The following GRK5 variants were observed in gnomAD, a reference collection of about 807,000 sequenced individuals.
GRK5 encodes g protein-coupled receptor kinase GRK5.
In GRK5, 40 loss-of-function variants were observed where a neutral mutation model predicts 78.4. The observed-to-expected ratio is 0.51, with a 90% confidence interval of 0.40 to 0.66. The LOEUF (loss-of-function observed/expected upper bound fraction) is 0.66, where lower values mean the gene tolerates loss of function less well. GRK5 is among the 30% of genes least tolerant of loss of function. The probability of loss-of-function intolerance (pLI) is 0.00; values close to 1 mark genes in which losing one functional copy is unlikely to be tolerated. For missense variants in GRK5, 598 were observed against 759.9 expected, an observed-to-expected ratio of 0.79 and a Z score of 2.50; for synonymous variants, 289 against 296.8, an observed-to-expected ratio of 0.97 and a Z score of 0.27.
intron 1 of GRK5, among the ~76,000 whole-genome samples, chr10:119,233,632 C>T (rs143192515): frequency 2.0e-4 from 31 of 152,234 alleles, no homozygotes; most frequent in Admixed American, 7.8e-4. Context: ...TTGCCACTTA[C>T]AGTCAAAGGA....
intron 1 of GRK5, among the ~76,000 whole-genome samples, chr10:119,307,950 A>C (rs1850298662): frequency 2.0e-5 from 3 of 152,024 alleles, no homozygotes; most frequent in African/African-American, 7.3e-5. Context: ...TGAGGTGGGG[A>C]GAGGACAGAG....
chr10:119,396,839 A>C (rs1320016018), intron 4 of GRK5, 67 bp downstream of exon 4: 1 of 1,204,060 alleles, frequency 8.3e-7, no homozygotes, highest in African/African-American at 1.5e-5. Context: ...GGAGCCCCTA[A>C]GTCTGTGCCA....
intron 4 of GRK5, among the ~76,000 whole-genome samples, chr10:119,415,846 G>A (rs976734942): frequency 2.6e-5 from 4 of 152,190 alleles, no homozygotes; most frequent in African/African-American, 9.7e-5. Flanking sequence ...GACTTGCAGG[G>A]GACCCCTTCT....
At chr10:119,411,877 G>A (rs1282920556) in intron 4 of GRK5, among the ~76,000 whole-genome samples, 3 of 60,356 alleles carry the variant, frequency 5.0e-5, no homozygotes, top group Non-Finnish European at 8.2e-5. Context: ...TTGAGATAGA[G>A]TCTTGCTCTG....
chr10:119,317,573 A>G (rs573260982), intron 1 of GRK5, among the ~76,000 whole-genome samples: 11 of 152,008 alleles, frequency 7.2e-5, no homozygotes, highest in Non-Finnish European at 1.6e-4. Context: ...GGGGCCTCAT[A>G]CGGTTTGCCC....
At chr10:119,436,929 G>T in intron 9 of GRK5, 88 bp downstream of exon 9, 3 of 1,262,046 alleles carry the variant, frequency 2.4e-6, no homozygotes, top group South Asian at 3.0e-5. Context: ...GGTTGCCATC[G>T]CTCTGGGAAT....
chr10:119,447,151 G>T (rs1853168699), intron 12 of GRK5, among the ~76,000 whole-genome samples: 2 of 152,100 alleles, frequency 1.3e-5, no homozygotes, highest in Non-Finnish European at 2.9e-5. Context: ...GGCCCCCTGC[G>T]CAGGTCTAGC....
intron 4 of GRK5, among the ~76,000 whole-genome samples, chr10:119,407,884 C>T (rs1852265752): frequency 1.3e-5 from 2 of 152,138 alleles, no homozygotes; most frequent in South Asian, 4.1e-4. Context: ...ACTTGGGGGG[C>T]TGGGTGTGGT....
rs1853407351 is a variant in GRK5, at chr10:119,456,771, G to A, written c.*1704G>A. ...TCATCCCAAACACATTTCTCTGGAT[G>A]ACGCAGGCAGCATTGGAGCATGAGC... On this transcript the variant is annotated 3_prime_UTR_variant, in exon 16 of 16. Coordinates refer to ENST00000392870, the MANE Select transcript of GRK5 (RefSeq NM_005308.3). This position sits in a 1 kb window ranked among gnomAD's most constrained non-coding sequence, Gnocchi z 5.5. The A allele has an allele frequency of 6.6e-6, 1 of 152,250 alleles. No individual in the cohort carries two copies. Among genetic ancestry groups the A allele is most frequent in the Admixed American group, 6.5e-5 (1 of 15,282 alleles). The allele number at this position is 152,250 out of a possible 1,614,324, so 9.4% of individuals were successfully genotyped here.
chr10:119,277,757 G>C (rs563412899), intron 1 of GRK5, among the ~76,000 whole-genome samples: 7 of 152,272 alleles, frequency 4.6e-5, no homozygotes, highest in African/African-American at 1.2e-4. Context: ...AGCAGCCACT[G>C]TTCTTGCTTT....
chr10:119,293,550 C>T (rs1054773865), intron 1 of GRK5, among the ~76,000 whole-genome samples: 1 of 152,192 alleles, frequency 6.6e-6, no homozygotes, highest in Non-Finnish European at 1.5e-5. Flanking sequence ...GACCTTTGGC[C>T]GTGGGCATTG....
At chr10:119,449,522 C>T (rs1014021391) in intron 13 of GRK5, among the ~76,000 whole-genome samples, 3 of 152,106 alleles carry the variant, frequency 2.0e-5, no homozygotes, top group Non-Finnish European at 2.9e-5. Context: ...AAGAGTAGGC[C>T]GGGCACGGTG....
chr10:119,451,648 C>T (rs1853289699), intron 13 of GRK5, among the ~76,000 whole-genome samples: 1 of 152,222 alleles, frequency 6.6e-6, no homozygotes, highest in Non-Finnish European at 1.5e-5. Context: ...GACACCCCTG[C>T]CCGCACCCCT....
intron 1 of GRK5, among the ~76,000 whole-genome samples, chr10:119,296,695 T>C (rs544112921): frequency 1.9e-4 from 29 of 152,348 alleles, no homozygotes; most frequent in African/African-American, 7.0e-4. Flanking sequence ...GGCTTTGGCA[T>C]ATTATGGAGT....
rs1306031893 is a variant in GRK5 at position 119,396,701 on chromosome 10, T to G, written c.268T>G (p.Tyr90Asp). The change falls in exon 4 of 16, where the codon TAT becomes GAT. Residue 90 changes from tyrosine (Y) to aspartate (D), a missense_variant. Tyr to Asp is a radical substitution (Grantham distance 160). Coordinates refer to ENST00000392870, the MANE Select transcript of GRK5 (RefSeq NM_005308.3). ...YIQFLDSVAE[Y>D]EVTPDEKLGE... is the part of the protein sequence containing the mutation. The stretch of plus-strand genomic sequence containing the variant: ...TTTTCTCCTTCTGTTTTAGGCAGAA[T>G]ATGAAGTTACTCCAGATGAAAAACT... The G allele has an allele frequency of 6.2e-7, 1 of 1,611,544 alleles. No homozygotes were observed.
intron 2 of GRK5, among the ~76,000 whole-genome samples, chr10:119,343,068 C>A (rs1851011032): frequency 1.3e-5 from 2 of 152,182 alleles, no homozygotes; most frequent in South Asian, 4.1e-4. Context: ...GATGTGGGAT[C>A]AGCTGAGATC....
At chr10:119,454,859 G>C (rs918825077) in intron 15 of GRK5, 110 bp from the exon 16 acceptor site, 2 of 696,802 alleles carry the variant, frequency 2.9e-6, no homozygotes, top group Non-Finnish European at 5.1e-6. Flanking sequence ...ACTGCAAAAG[G>C]CAATAAAAAG....
chr10:119,357,653 A>G (rs1455750448), intron 2 of GRK5, among the ~76,000 whole-genome samples: 1 of 152,062 alleles, frequency 6.6e-6, no homozygotes, highest in African/African-American at 2.4e-5. Context: ...AGCGGCTCAC[A>G]CTCAGGCCTG....
At chr10:119,374,771 G>T (rs201617459) in intron 2 of GRK5, among the ~76,000 whole-genome samples, 1 of 100,368 alleles carries the variant, frequency 1.0e-5, no homozygotes. Flanking sequence ...GGGTCATGAG[G>T]GCATTGTTGG....
Sources: allele counts gnomAD v4.1 joint callset (sites outside exome capture counted in the v4.1 genomes callset), GRCh38; gene constraint gnomAD v4.1.1; non-coding constraint Gnocchi (gnomAD v3.1); transcripts MANE v1.5; gene names NCBI Gene and HGNC (gene_info 2026-07-23, HGNC 2026-07-21).